The following DGKB variants were observed in gnomAD, a reference collection of about 807,000 sequenced individuals.
DGKB encodes 90 kDa diacylglycerol kinase.
Under a neutral mutation model 114.3 loss-of-function variants are expected in DGKB, and 67 were observed. The ratio of observed to expected loss-of-function variants is 0.59; its 90% CI spans 0.48 to 0.72. DGKB has a LOEUF of 0.72. DGKB is among the 30% of genes least tolerant of loss of function. The probability of loss-of-function intolerance (pLI) is 0.00; values close to 1 mark genes in which losing one functional copy is unlikely to be tolerated. For synonymous variants in DGKB, 398 were observed against 323.1 expected (o/e 1.23, Z -2.49); for missense variants, 907 against 975.2 (o/e 0.93, Z 0.93).
At chr7:14,775,010 A>G (rs1167137121) in intron 2 of DGKB, among the ~76,000 whole-genome samples, 3 of 152,146 alleles carry the variant, frequency 2.0e-5, no homozygotes, top group Non-Finnish European at 4.4e-5. Flanking sequence ...ACTTAAATAT[A>G]AGAATATATA....
intron 13 of DGKB, among the ~76,000 whole-genome samples, chr7:14,649,332 A>G (rs1199063490): frequency 6.6e-5 from 10 of 151,620 alleles, no homozygotes; most frequent in Non-Finnish European, 8.8e-5. Context: ...GACAGTGGGG[A>G]CCAATATTCA....
chr7:14,162,793 A>T (rs1205787645), intron 25 of DGKB, among the ~76,000 whole-genome samples: 1 of 152,198 alleles, frequency 6.6e-6, no homozygotes, highest in Non-Finnish European at 1.5e-5. Context: ...TGCTATGACA[A>T]GAAAAAAATC....
At chr7:14,229,439 T>C (rs1791370335) in intron 23 of DGKB, among the ~76,000 whole-genome samples, 1 of 151,916 alleles carries the variant, frequency 6.6e-6, no homozygotes, top group Non-Finnish European at 1.5e-5. Flanking sequence ...TAACTAAACA[T>C]AGAAAAAGTA....
rs28725309 is a variant in DGKB at position 14,145,615 on chromosome 7, T to C, written c.*3516A>G. ...CTGGGATTACAGGCATGTGCCACCA[T>C]GCCTGGCTAATTTTTGTATTTTTAG... On this transcript the variant is annotated 3_prime_UTR_variant, in exon 26 of 26. Coordinates refer to ENST00000402815, the MANE Select transcript of DGKB (RefSeq NM_001350709.2). 6,363 of 152,086 alleles carry C rather than the reference T, an allele frequency of 0.042. 171 individuals are homozygous for C. Among genetic ancestry groups the C allele is most frequent in the African/African-American group, 0.059 (2,445 of 41,500 alleles). 9.4% of individuals were successfully genotyped at this position (152,086 alleles called of 1,614,324 possible). A position where few individuals can be genotyped will look rare whatever the true frequency, so the allele number is the denominator to read the frequency against.
chr7:14,365,224 GA>G (rs1480915759), intron 21 of DGKB, among the ~76,000 whole-genome samples: 1 of 152,026 alleles, frequency 6.6e-6, no homozygotes, highest in African/African-American at 2.4e-5. Context: ...TTTTAGGGCA[GA>G]AAAGTTTTGC....
At chr7:14,339,639 A>T (rs1476195775) in intron 22 of DGKB, among the ~76,000 whole-genome samples, 2 of 152,060 alleles carry the variant, frequency 1.3e-5, no homozygotes, top group Non-Finnish European at 2.9e-5. Flanking sequence ...CTGTATTTTT[A>T]AAATTACTAT....
chr7:14,164,782 G>A (rs543472576), intron 25 of DGKB, among the ~76,000 whole-genome samples: 1 of 151,800 alleles, frequency 6.6e-6, no homozygotes, highest in Non-Finnish European at 1.5e-5. Flanking sequence ...GGGATTACAG[G>A]GAATTTAGTC....
intron 1 of DGKB, among the ~76,000 whole-genome samples, chr7:14,867,970 T>C (rs1221633801): frequency 6.6e-6 from 1 of 152,196 alleles, no homozygotes; most frequent in African/African-American, 2.4e-5. Context: ...GATTTACAGC[T>C]GATTTCAAAT....
intron 20 of DGKB, among the ~76,000 whole-genome samples, chr7:14,487,669 A>G (rs1022266280): frequency 6.0e-5 from 9 of 149,588 alleles, no homozygotes; most frequent in African/African-American, 2.0e-4. Context: ...GTGCAGTGCA[A>G]TAGCTCACTG....
At chr7:14,562,342 G>C (rs985889694) in intron 20 of DGKB, among the ~76,000 whole-genome samples, 3 of 152,192 alleles carry the variant, frequency 2.0e-5, no homozygotes, top group Admixed American at 6.5e-5. Context: ...GGAAATGTGG[G>C]GTTGGAGCCC....
At chr7:14,587,575 A>G (rs960875470) in intron 17 of DGKB, among the ~76,000 whole-genome samples, 7 of 152,138 alleles carry the variant, frequency 4.6e-5, no homozygotes, top group Admixed American at 1.3e-4. Flanking sequence ...AGCAAACAGC[A>G]TCACATGCTA....
At chr7:14,244,425 G>C (rs952077201) in intron 23 of DGKB, among the ~76,000 whole-genome samples, 1 of 152,008 alleles carries the variant, frequency 6.6e-6, no homozygotes, top group Non-Finnish European at 1.5e-5. Flanking sequence ...GGGAGGCTGA[G>C]GTGGGCGGAT....
rs1805954353 is a variant in DGKB, at chr7:14,613,513, CAAT to C, written c.1285-103_1285-101del. The C allele has an allele frequency of 6.3e-5, 43 of 678,078 alleles. 1 individual carries two copies. In the South Asian group the frequency reaches 7.8e-4, roughly 12 times the overall value. 42.0% of individuals were successfully genotyped at this position (678,078 alleles called of 1,614,324 possible). ...ATTATAAAATACCAATACGCAATTT[CAAT>C]AATATTACTTTCCACAATGTGTGTG... On this transcript the variant is annotated intron_variant, in intron 15 of 25. Coordinates refer to ENST00000402815, the MANE Select transcript of DGKB (RefSeq NM_001350709.2).
chr7:14,809,168 T>C (rs1289517884), intron 2 of DGKB, among the ~76,000 whole-genome samples: 3 of 152,010 alleles, frequency 2.0e-5, no homozygotes, highest in Non-Finnish European at 2.9e-5. Flanking sequence ...TCAAAAGAAA[T>C]TCTATCCCGA....
rs112855320 is a variant in DGKB, at chr7:14,923,769, C to T, written c.-188+50927G>A. Reference sequence around the variant, plus strand: ...CAGCACTTTTGGCGGCCAAGGCGGGCGAATCACCTGAGGTCAGGAGTTTGA... The same window carrying T: ...CAGCACTTTTGGCGGCCAAGGCGGGTGAATCACCTGAGGTCAGGAGTTTGA... On this transcript the variant is annotated intron_variant, in intron 1 of 4. Transcript: ENST00000437998. Among the ~76,000 whole-genome samples the T allele has an allele frequency of 6.4e-3, 975 of 151,918 alleles. 16 individuals are homozygous for T. The highest frequency in any genetic ancestry group is 0.022 in the African/African-American group (896 of 41,364).
intron 13 of DGKB, among the ~76,000 whole-genome samples, chr7:14,665,626 A>G (rs896515861): frequency 6.6e-6 from 1 of 152,018 alleles, no homozygotes; most frequent in Non-Finnish European, 1.5e-5. Flanking sequence ...GATTTTTGTG[A>G]TAATCTGCTT....
chr7:14,911,920 A>G (rs944403666), intron 1 of DGKB, among the ~76,000 whole-genome samples: 1 of 152,246 alleles, frequency 6.6e-6, no homozygotes, highest in African/African-American at 2.4e-5. Flanking sequence ...CAGTATGCAG[A>G]TGCCAGAAAA....
chr7:14,810,109 A>G (rs1843238739), intron 2 of DGKB, among the ~76,000 whole-genome samples: 1 of 152,222 alleles, frequency 6.6e-6, no homozygotes, highest in South Asian at 2.1e-4. Flanking sequence ...GAATTCGTGC[A>G]CGTTGCAAAC....
At chr7:14,149,602 C>G (rs1157801373) in intron 25 of DGKB, among the ~76,000 whole-genome samples, 2 of 152,046 alleles carry the variant, frequency 1.3e-5, no homozygotes, top group South Asian at 2.1e-4. Context: ...TTATTGAAGT[C>G]AGGAAAGAAG....
Sources: gnomAD v4.1 joint callset for allele counts (sites outside exome capture counted in the v4.1 genomes callset) on GRCh38, gnomAD v4.1.1 for gene constraint, MANE v1.5 for transcripts, NCBI Gene and HGNC (gene_info 2026-07-23, HGNC 2026-07-21) for gene names.